Variants in NR2F6 observed in about 807,000 individuals in gnomAD.
NR2F6 encodes nuclear receptor subfamily 2 group F member 6.
A neutral mutation model predicts 26.5 loss-of-function variants in NR2F6; 16 were observed. The ratio of observed to expected loss-of-function variants is 0.60; its 90% CI spans 0.41 to 0.92. The LOEUF is 0.92. Among genes scored for constraint, NR2F6 ranks in the 40% least tolerant of loss-of-function variants. The pLI is 0.00. For missense variants in NR2F6, 536 were observed against 631.7 expected (o/e 0.85, Z 1.62); for synonymous variants, 325 against 305.0 (o/e 1.07, Z -0.68).
At position 17,235,401 on chromosome 19, in the gene NR2F6, C is replaced by T. The variant is rs921270273; in HGVS notation, c.940+98G>A. On this transcript the variant is annotated intron_variant, in intron 3 of 3. Coordinates refer to ENST00000291442, the MANE Select transcript of NR2F6 (RefSeq NM_005234.4). The surrounding 1 kb of genome is among the most constrained non-coding windows in gnomAD (Gnocchi z 5.0). ...CAGGGCCCCAGGCCTAGGGAGCGAG[C>T]GGGGCGCTATGGGGGCCGGAGTCTG... The T allele has an allele frequency of 2.7e-6, 4 of 1,497,830 alleles. 1 individual carries two copies. The highest frequency in any genetic ancestry group is 4.7e-4 in the Middle Eastern group (2 of 4,236). 92.8% of individuals were successfully genotyped at this position (1,497,830 alleles called of 1,614,324 possible).
In NR2F6 at chr19:17,235,364, T is replaced by C; in HGVS notation, c.940+135A>G. 6.9e-7 allele frequency: 1 copy of C among 1,457,918 alleles called. No homozygotes were observed. The highest frequency in any genetic ancestry group is 1.4e-5 in the South Asian group (1 of 72,370). 90.3% of individuals were successfully genotyped at this position (1,457,918 alleles called of 1,614,324 possible). A position where few individuals can be genotyped will look rare whatever the true frequency, so the allele number is the denominator to read the frequency against. On this transcript the variant is annotated intron_variant, in intron 3 of 3. Transcript: ENST00000291442. The surrounding 1 kb of genome is among the most constrained non-coding windows in gnomAD (Gnocchi z 5.0). The stretch of plus-strand genomic sequence containing the variant: ...TCTACAGCCACCCAAGAGCGTTCAC[T>C]CACGGCGCGTGCAGGGCCCCAGGCC...
chr19:17,236,248 G>T (rs2073437911), intron 2 of NR2F6, among the ~76,000 whole-genome samples, 183 bp from the exon 3 acceptor site: 1 of 111,818 alleles, frequency 8.9e-6, no homozygotes, highest in African/African-American at 4.0e-5. Context: ...GAGAGGGCCG[G>T]AAGAGGGGGG....
chr19:17,245,690 G>A lies in NR2F6; in HGVS notation c.-470C>T, dbSNP rs1477440897. The A allele has an allele frequency of 1.4e-5, 2 of 146,234 alleles. No individual in the cohort carries two copies. Among genetic ancestry groups the A allele is most frequent in the Non-Finnish European group, 3.0e-5 (2 of 65,772 alleles). 9.1% of individuals were successfully genotyped at this position (146,234 alleles called of 1,614,324 possible). On this transcript the variant is annotated 5_prime_UTR_variant, in exon 1 of 4. Coordinates refer to ENST00000291442, the MANE Select transcript of NR2F6 (RefSeq NM_005234.4). The surrounding 1 kb of genome is among the most constrained non-coding windows in gnomAD (Gnocchi z 5.0). ...AGTTGCGCGGCCGCCCGTGGCGGGG[G>A]GGGAGGGGCGGCGGGTGCGCGCCGG...
At chr19:17,237,976 CA>C (rs960669287) in intron 2 of NR2F6, among the ~76,000 whole-genome samples, 5 of 151,966 alleles carry the variant, frequency 3.3e-5, no homozygotes, top group Admixed American at 6.6e-5. Flanking sequence ...CCCGTCTCTA[CA>C]AAAAATTAAG....
At position 17,235,733 on chromosome 19, in the gene NR2F6, G is replaced by A. The variant is rs1225755010; in HGVS notation, c.706C>T (p.Arg236Cys). The change falls in exon 3 of 4, where the codon CGC (arginine) becomes TGC (cysteine). Residue 236 changes from arginine (R) to cysteine (C), a missense_variant. Arg to Cys is a radical substitution (Grantham distance 180). Coordinates refer to ENST00000291442, the MANE Select transcript of NR2F6 (RefSeq NM_005234.4). The surrounding 1 kb of genome is among the most constrained non-coding windows in gnomAD (Gnocchi z 5.0). ...ACGAAGAGCTCGCTCCAGCTCAGGCGCAGCAGCGCCACCTGGTCGGCCACC... is the reference window on the plus strand; with the variant it reads ...ACGAAGAGCTCGCTCCAGCTCAGGCACAGCAGCGCCACCTGGTCGGCCACC... ...LPVADQVALL[R>C]LSWSELFVLN... 1 of 1,501,088 alleles carries A rather than the reference G, an allele frequency of 6.7e-7. No individual in the cohort carries two copies. The highest frequency in any genetic ancestry group is 2.2e-5 in the Admixed American group (1 of 46,426). 93.0% of individuals were successfully genotyped at this position (1,501,088 alleles called of 1,614,324 possible). A position where few individuals can be genotyped will look rare whatever the true frequency, so the allele number is the denominator to read the frequency against.
chr19:17,235,970 C>A lies in NR2F6; in HGVS notation c.469G>T (p.Gly157Cys). 6.8e-7 allele frequency: 1 copy of A among 1,471,954 alleles called. No individual in the cohort carries two copies. The allele number at this position is 1,471,954 out of a possible 1,614,324, so 91.2% of individuals were successfully genotyped here. The change falls in exon 3 of 4, where the codon GGC (glycine) becomes TGC (cysteine). Residue 157 changes from glycine to cysteine, a missense_variant. By Grantham distance (159) the Gly-to-Cys change is radical (BLOSUM62 -3). Transcript: ENST00000291442. The surrounding 1 kb of genome is among the most constrained non-coding windows in gnomAD (Gnocchi z 5.0). The stretch of plus-strand genomic sequence containing the variant: ...GGCTGCCCCGGGAAGAGGTCTCCGC[C>A]GCTCGCCACTGCCGCCAGCGCCGAG... ...PGSALAAVAS[G>C]GDLFPGQPVS...
At chr19:17,239,696 G>T (rs1349145087) in intron 2 of NR2F6, among the ~76,000 whole-genome samples, 1 of 151,864 alleles carries the variant, frequency 6.6e-6, no homozygotes, top group Non-Finnish European at 1.5e-5. Flanking sequence ...GCCCGTATCT[G>T]TAGTCCCAGC....
chr19:17,233,413 G>A (rs957338501), intron 3 of NR2F6, among the ~76,000 whole-genome samples: 5 of 152,202 alleles, frequency 3.3e-5, no homozygotes, highest in Non-Finnish European at 7.3e-5. Context: ...ATAGTGAGGT[G>A]TTCTCATCTA....
At position 17,245,206 on chromosome 19, in the gene NR2F6, G is replaced by A; in HGVS notation, c.15C>T (p.Thr5=). Residue 5 remains threonine (T), a synonymous_variant, in exon 1 of 4, where the codon ACC becomes ACT. Coordinates refer to ENST00000291442, the MANE Select transcript of NR2F6 (RefSeq NM_005234.4). The surrounding 1 kb of genome is among the most constrained non-coding windows in gnomAD (Gnocchi z 5.0). The part of the protein sequence containing the change: MAMV[T]GGWGGPGGDT... ...CGCCGCCGGGGCCGCCCCAGCCGCC[G>A]GTCACCATGGCCATAGCCCCAGGGC... 1.5e-6 allele frequency: 2 copies of A among 1,370,074 alleles called. No individual in the cohort carries two copies. Among genetic ancestry groups the A allele is most frequent in the South Asian group, 1.6e-5 (1 of 60,732 alleles). 84.9% of individuals were successfully genotyped at this position (1,370,074 alleles called of 1,614,324 possible). A position where few individuals can be genotyped will look rare whatever the true frequency, so the allele number is the denominator to read the frequency against.
chr19:17,238,830 G>A (rs2073453370), intron 2 of NR2F6, among the ~76,000 whole-genome samples: 1 of 152,198 alleles, frequency 6.6e-6, no homozygotes, highest in Admixed American at 6.5e-5. Context: ...TAGTTTGGGA[G>A]GCCAAGGTGG....
intron 2 of NR2F6, 45 bp downstream of exon 2, chr19:17,240,626 C>G (rs1467337933): frequency 6.9e-6 from 11 of 1,591,116 alleles, no homozygotes; most frequent in Non-Finnish European, 9.5e-6. Context: ...CACCCCGGCT[C>G]CAGCGGCTGT....
chr19:17,236,450 G>GTT (rs2073439327), intron 2 of NR2F6, among the ~76,000 whole-genome samples: 1 of 151,978 alleles, frequency 6.6e-6, no homozygotes, highest in Non-Finnish European at 1.5e-5. Flanking sequence ...TGGTTAGAAA[G>GTT]TAAGAGTCCA....
rs573676928 is a variant in NR2F6, at chr19:17,237,408, T to C, written c.374-1343A>G. On this transcript the variant is annotated intron_variant, in intron 2 of 3. Transcript: ENST00000291442. ...TTTCCTTTCTTCCTCTCTCTCTCTC[T>C]CCCTCTCTCTCTCTCTCTTTTTGAG... Among the ~76,000 whole-genome samples, 6 of 143,514 alleles carry C rather than the reference T, an allele frequency of 4.2e-5. No homozygotes were observed. In the East Asian group the frequency reaches 6.8e-4, roughly 16 times the overall value. The allele number at this position is 143,514 out of a possible 152,430, so 94.2% of individuals were successfully genotyped here.
intron 1 of NR2F6, among the ~76,000 whole-genome samples, chr19:17,243,354 C>A (rs575489652): frequency 6.6e-6 from 1 of 152,212 alleles, no homozygotes; most frequent in Non-Finnish European, 1.5e-5. Flanking sequence ...ACTACCCAGG[C>A]TGGGCCCCAG....
Position 17,245,176 on chromosome 19 carries a change from C to A in NR2F6, c.45G>T (p.Thr15=). 1 of 1,402,882 alleles carries A rather than the reference C, an allele frequency of 7.1e-7. No homozygotes were observed. The highest frequency in any genetic ancestry group is 1.6e-5 in the South Asian group (1 of 64,348). 86.9% of individuals were successfully genotyped at this position (1,402,882 alleles called of 1,614,324 possible). The change falls in exon 1 of 4, where the codon ACG becomes ACT. Residue 15 remains threonine (T), a synonymous_variant. Coordinates refer to ENST00000291442, the MANE Select transcript of NR2F6 (RefSeq NM_005234.4). This position sits in a 1 kb window ranked among gnomAD's most constrained non-coding sequence, Gnocchi z 5.0. ...AGCCGCCCGCCTTGTCCACGCCGTT[C>A]GTGTCGCCGCCGGGGCCGCCCCAGC... ...TGGWGGPGGD[T]NGVDKAGGYP...
rs1197245646 is a variant in NR2F6, at chr19:17,245,687, G to T, written c.-467C>A. The T allele has an allele frequency of 6.8e-6, 1 of 146,294 alleles. No individual in the cohort carries two copies. Among genetic ancestry groups the T allele is most frequent in the African/African-American group, 2.4e-5 (1 of 40,856 alleles). 9.1% of individuals were successfully genotyped at this position (146,294 alleles called of 1,614,324 possible). A position where few individuals can be genotyped will look rare whatever the true frequency, so the allele number is the denominator to read the frequency against. ...GCAAGTTGCGCGGCCGCCCGTGGCG[G>T]GGGGGGAGGGGCGGCGGGTGCGCGC... On this transcript the variant is annotated 5_prime_UTR_variant, in exon 1 of 4. Coordinates refer to ENST00000291442, the MANE Select transcript of NR2F6 (RefSeq NM_005234.4). This position sits in a 1 kb window ranked among gnomAD's most constrained non-coding sequence, Gnocchi z 5.0.
At position 17,232,286 on chromosome 19, in the gene NR2F6, T is replaced by G. The variant is rs2073411527; in HGVS notation, c.*66A>C. Reference sequence around the variant, plus strand: ...GGGCCCCGGGAGGCCCCTCGAGGCCTCAGCATTCCCTGTCCCTTGAGGTCT... The same window carrying G: ...GGGCCCCGGGAGGCCCCTCGAGGCCGCAGCATTCCCTGTCCCTTGAGGTCT... On this transcript the variant is annotated 3_prime_UTR_variant, in exon 4 of 4. Coordinates refer to ENST00000291442, the MANE Select transcript of NR2F6 (RefSeq NM_005234.4). 6.3e-7 allele frequency: 1 copy of G among 1,598,204 alleles called. No homozygotes were observed. Among genetic ancestry groups the G allele is most frequent in the Non-Finnish European group, 8.5e-7 (1 of 1,171,874 alleles).
At chr19:17,244,788 T>C (rs185766836) in intron 1 of NR2F6, among the ~76,000 whole-genome samples, 155 bp downstream of exon 1, 272 of 152,048 alleles carry the variant, frequency 1.8e-3, no homozygotes, top group Non-Finnish European at 3.0e-3. Context: ...ATCCCAGCCA[T>C]GGAATGCGGG....
At chr19:17,237,542 G>T (rs917371017) in intron 2 of NR2F6, among the ~76,000 whole-genome samples, 31 of 152,234 alleles carry the variant, frequency 2.0e-4, no homozygotes, top group African/African-American at 7.0e-4. Flanking sequence ...CTCCCGAGTA[G>T]CTGGGATTAG....
Sources: gnomAD v4.1 joint callset for allele counts (sites outside exome capture counted in the v4.1 genomes callset) on GRCh38, gnomAD v4.1.1 for gene constraint, Gnocchi (gnomAD v3.1) non-coding constraint, MANE v1.5 for transcripts, NCBI Gene and HGNC (gene_info 2026-07-23, HGNC 2026-07-21) for gene names.